DISC1: variants seen among roughly 807,000 people sequenced by gnomAD.
DISC1 encodes the protein DISC1 scaffold protein.
In DISC1, 57 loss-of-function variants were observed where a neutral mutation model predicts 84.5. The ratio of observed to expected loss-of-function variants is 0.67; its 90% CI spans 0.55 to 0.84. The LOEUF is 0.84. Ranked by LOEUF, DISC1 falls within the 40% of genes least tolerant of loss-of-function variation. The pLI is 0.00. For missense variants in DISC1, 1,000 were observed against 1,057.8 expected (o/e 0.95, Z 0.76); for synonymous variants, 411 against 415.2 (o/e 0.99, Z 0.12).
chr1:231,815,850 T>C (rs2080908152), intron 8 of DISC1, among the ~76,000 whole-genome samples: 1 of 152,218 alleles, frequency 6.6e-6, no homozygotes, highest in African/African-American at 2.4e-5. Flanking sequence ...ATAGTATTAT[T>C]TTTGCATCTT....
intron 10 of DISC1, among the ~76,000 whole-genome samples, chr1:231,982,461 A>G (rs1361606708): frequency 1.3e-5 from 2 of 151,976 alleles, no homozygotes; most frequent in Non-Finnish European, 2.9e-5. Context: ...CAACTATTCT[A>G]TTCCCTGGAG....
At chr1:231,647,434 G>T (rs1319707498) in intron 1 of DISC1, among the ~76,000 whole-genome samples, 1 of 152,140 alleles carries the variant, frequency 6.6e-6, no homozygotes, top group African/African-American at 2.4e-5. Flanking sequence ...TCTCTGTTTT[G>T]GTACCAGCAC....
intron 9 of DISC1, among the ~76,000 whole-genome samples, chr1:231,929,003 C>T (rs182266348): frequency 3.1e-3 from 474 of 152,062 alleles, no homozygotes; most frequent in African/African-American, 0.011. Flanking sequence ...AGAATAAGTG[C>T]GATGTGGTGC....
chr1:231,883,208 C>CCATT (rs1176472258), intron 9 of DISC1, among the ~76,000 whole-genome samples: 13 of 152,066 alleles, frequency 8.5e-5, no homozygotes, highest in South Asian at 2.1e-4. Context: ...TCTTGAATAA[C>CCATT]CATTCATTCA....
intron 9 of DISC1, chr1:231,866,745 G>A: frequency 7.5e-7 from 1 of 1,326,378 alleles, no homozygotes; most frequent in Non-Finnish European, 9.7e-7. Context: ...GTCGTGCTTT[G>A]TATGGATTCT....
intron 4 of DISC1, chr1:231,750,340 A>T (rs1415981602): frequency 1.2e-5 from 15 of 1,262,394 alleles, no homozygotes; most frequent in South Asian, 2.5e-5. Context: ...GGTCTGAAGC[A>T]TCTCTTGGGA....
At chr1:231,724,887 G>T (rs2070401767) in intron 3 of DISC1, among the ~76,000 whole-genome samples, 1 of 152,208 alleles carries the variant, frequency 6.6e-6, no homozygotes, top group South Asian at 2.1e-4. Flanking sequence ...TGTTACAAAT[G>T]AAAAGGCCAG....
intron 10 of DISC1, among the ~76,000 whole-genome samples, chr1:231,988,909 G>A (rs1044033705): frequency 1.3e-5 from 2 of 152,184 alleles, no homozygotes; most frequent in Non-Finnish European, 2.9e-5. Flanking sequence ...AGTGCCATGT[G>A]CCCCGAACAA....
chr1:231,788,862 T>A (rs1036944956), intron 6 of DISC1, among the ~76,000 whole-genome samples: 2 of 152,084 alleles, frequency 1.3e-5, no homozygotes, highest in African/African-American at 4.8e-5. Context: ...AGTGTGCCTC[T>A]AGCAGAGGTG....
At chr1:231,912,777 C>A (rs1018506146) in intron 9 of DISC1, among the ~76,000 whole-genome samples, 6 of 144,896 alleles carry the variant, frequency 4.1e-5, no homozygotes, top group African/African-American at 1.5e-4. Flanking sequence ...TTCTTTCTTT[C>A]TTTCTTTCTT....
chr1:232,002,253 A>G (rs1572580337), intron 10 of DISC1, among the ~76,000 whole-genome samples: 1 of 152,216 alleles, frequency 6.6e-6, no homozygotes, highest in East Asian at 1.9e-4. Flanking sequence ...GCAGAGAAAC[A>G]AGATCACTCA....
chr1:231,859,649 T>C (rs1040607260), intron 9 of DISC1, among the ~76,000 whole-genome samples: 7 of 152,228 alleles, frequency 4.6e-5, no homozygotes, highest in South Asian at 2.1e-4. Context: ...TACTTCAAAA[T>C]TTTTTGTTGC....
intron 2 of DISC1, among the ~76,000 whole-genome samples, chr1:231,696,138 C>T (rs1175390150): frequency 3.9e-5 from 6 of 152,208 alleles, no homozygotes; most frequent in Non-Finnish European, 8.8e-5. Context: ...CCTCCCTCTC[C>T]CTTGTTCCAC....
intron 3 of DISC1, among the ~76,000 whole-genome samples, chr1:231,745,681 C>T (rs1449947026): frequency 1.3e-5 from 2 of 152,104 alleles, no homozygotes; most frequent in East Asian, 3.9e-4. Context: ...TTTAACAAAT[C>T]TCTCCCTATC....
At chr1:231,978,767 G>A (rs1371202004) in intron 10 of DISC1, among the ~76,000 whole-genome samples, 1 of 152,106 alleles carries the variant, frequency 6.6e-6, no homozygotes, top group Admixed American at 6.5e-5. Flanking sequence ...GACTCATCTT[G>A]TATATTTACT....
chr1:231,723,503 C>T, intron 3 of DISC1: 1 of 985,508 alleles, frequency 1.0e-6, no homozygotes, highest in Non-Finnish European at 1.2e-6. Context: ...TCTTTCTGTG[C>T]AGTCCTGTGG....
chr1:231,917,685 G>C (rs2089734799), intron 9 of DISC1, among the ~76,000 whole-genome samples: 1 of 152,186 alleles, frequency 6.6e-6, no homozygotes, highest in African/African-American at 2.4e-5. Flanking sequence ...GGGCAGGAGT[G>C]GGGCGAGCAT....
intron 3 of DISC1, among the ~76,000 whole-genome samples, chr1:231,744,609 G>C (rs1300419810): frequency 6.6e-6 from 1 of 152,064 alleles, no homozygotes; most frequent in Non-Finnish European, 1.5e-5. Context: ...TATGTAATGG[G>C]TGAGAGACAA....
chr1:231,676,023 A>G (rs2063118925), intron 1 of DISC1, among the ~76,000 whole-genome samples: 1 of 151,596 alleles, frequency 6.6e-6, no homozygotes, highest in Admixed American at 6.6e-5. Flanking sequence ...TAATTTTTGT[A>G]TTTTTAGTAG....
Sources: gnomAD v4.1 joint callset for allele counts (sites outside exome capture counted in the v4.1 genomes callset) on GRCh38, gnomAD v4.1.1 for gene constraint, MANE v1.5 for transcripts, NCBI Gene and HGNC (gene_info 2026-07-23, HGNC 2026-07-21) for gene names.